Variants in SUMF1 observed in about 807,000 individuals in gnomAD.
The protein encoded by SUMF1 is formylglycine-generating enzyme.
A neutral mutation model predicts 47.6 loss-of-function variants in SUMF1; 48 were observed. That is an observed-to-expected ratio of 1.01 (90% CI 0.80 to 1.28). SUMF1 has a LOEUF of 1.28. SUMF1 is among the 50% of genes most tolerant of loss of function. The pLI is 0.00. For missense variants in SUMF1, 571 were observed against 485.4 expected, an observed-to-expected ratio of 1.18 and a Z score of -1.66; for synonymous variants, 230 against 192.1, an observed-to-expected ratio of 1.20 and a Z score of -1.63.
intron 8 of SUMF1, among the ~76,000 whole-genome samples, chr3:4,193,477 G>A (rs1000986399): frequency 1.3e-4 from 20 of 152,038 alleles, no homozygotes; most frequent in African/African-American, 4.6e-4. Context: ...ATTTGTGGCT[G>A]GCATTTTAAT....
chr3:4,206,598 A>G (rs2125157780), intron 8 of SUMF1, among the ~76,000 whole-genome samples: 1 of 152,178 alleles, frequency 6.6e-6, no homozygotes, highest in South Asian at 2.1e-4. Flanking sequence ...TGTTGGAGGC[A>G]ATTCAAAACT....
At chr3:4,305,909 A>G (rs1559212828) in intron 8 of SUMF1, among the ~76,000 whole-genome samples, 1 of 152,214 alleles carries the variant, frequency 6.6e-6, no homozygotes, top group Non-Finnish European at 1.5e-5. Flanking sequence ...AGCTGGCCCA[A>G]TATTAAACAG....
At chr3:4,186,553 A>C (rs1330889728) in intron 8 of SUMF1, among the ~76,000 whole-genome samples, 1 of 152,108 alleles carries the variant, frequency 6.6e-6, no homozygotes, top group African/African-American at 2.4e-5. Context: ...GAGTAAGTGG[A>C]AGCTGAAATA....
intron 8 of SUMF1, among the ~76,000 whole-genome samples, chr3:4,188,956 G>C (rs1695258889): frequency 6.6e-6 from 1 of 152,152 alleles, no homozygotes; most frequent in Non-Finnish European, 1.5e-5. Flanking sequence ...AGCTTTAACT[G>C]TATAAGATTC....
chr3:4,268,503 T>C (rs1344269458), intron 8 of SUMF1, among the ~76,000 whole-genome samples: 2 of 148,612 alleles, frequency 1.3e-5, no homozygotes, highest in Non-Finnish European at 3.0e-5. Context: ...GTTTTTCTTT[T>C]TTTTTTTTTT....
At chr3:4,331,444 GTAAGCCGTTT>G (rs200471961) in intron 8 of SUMF1, among the ~76,000 whole-genome samples, 1,657 of 152,224 alleles carry the variant, frequency 0.011, 20 homozygotes, top group African/African-American at 0.036. Context: ...AACCTTGGAG[GTAAGCCGTTT>G]TAATTATGTA....
intron 8 of SUMF1, among the ~76,000 whole-genome samples, chr3:4,161,171 A>G (rs2125113781): frequency 6.6e-6 from 1 of 151,934 alleles, no homozygotes; most frequent in East Asian, 1.9e-4. Flanking sequence ...ACTTTCTCCC[A>G]GACAAACGGA....
At chr3:4,162,356 C>G (rs562672400) in intron 8 of SUMF1, among the ~76,000 whole-genome samples, 1 of 152,306 alleles carries the variant, frequency 6.6e-6, no homozygotes, top group Admixed American at 6.5e-5. Flanking sequence ...TCCACTGGCT[C>G]TGAGCCCAGC....
chr3:4,214,929 C>T (rs1001229432), intron 8 of SUMF1, among the ~76,000 whole-genome samples: 8 of 151,966 alleles, frequency 5.3e-5, no homozygotes, highest in East Asian at 3.9e-4. Flanking sequence ...AAAAAAGTTC[C>T]GGGACCATAT....
At chr3:4,223,111 C>CT (rs1483677295) in intron 8 of SUMF1, among the ~76,000 whole-genome samples, 4 of 151,978 alleles carry the variant, frequency 2.6e-5, no homozygotes, top group Admixed American at 6.6e-5. Context: ...AAAGATATAC[C>CT]TTTTTAAAAA....
chr3:4,335,491 GA>G (rs1435911375), intron 8 of SUMF1, among the ~76,000 whole-genome samples: 14 of 152,192 alleles, frequency 9.2e-5, no homozygotes, highest in African/African-American at 2.9e-4. Flanking sequence ...ACGGAAGTGG[GA>G]AACTCATCTT....
chr3:4,216,037 C>A (rs887702633), intron 8 of SUMF1, among the ~76,000 whole-genome samples: 3 of 152,170 alleles, frequency 2.0e-5, no homozygotes, highest in African/African-American at 7.2e-5. Flanking sequence ...TTGGAAAAAA[C>A]TACCTTAAAC....
chr3:4,228,557 G>A (rs562940158), intron 8 of SUMF1, among the ~76,000 whole-genome samples: 29 of 152,196 alleles, frequency 1.9e-4, no homozygotes, highest in Non-Finnish European at 1.8e-4. Context: ...ACCTTTATGC[G>A]GCTCTGCTTC....
chr3:4,372,842 G>A (rs1700209039), intron 8 of SUMF1, among the ~76,000 whole-genome samples: 1 of 152,190 alleles, frequency 6.6e-6, no homozygotes, highest in Non-Finnish European at 1.5e-5. Flanking sequence ...TAAGCACTCT[G>A]AAAATAATTC....
chr3:4,102,778 TG>T (rs1170249959), intron 8 of SUMF1, among the ~76,000 whole-genome samples: 1 of 151,558 alleles, frequency 6.6e-6, no homozygotes, highest in African/African-American at 2.4e-5. Flanking sequence ...GATAAATTAA[TG>T]TAGCTTACTT....
chr3:4,231,494 C>G (rs1474781373), intron 8 of SUMF1, among the ~76,000 whole-genome samples: 1 of 152,166 alleles, frequency 6.6e-6, no homozygotes, highest in Non-Finnish European at 1.5e-5. Flanking sequence ...GTTACCCAAA[C>G]AAGTTAACAA....
intron 8 of SUMF1, among the ~76,000 whole-genome samples, chr3:4,216,827 C>T (rs1319641157): frequency 6.6e-6 from 1 of 152,206 alleles, no homozygotes; most frequent in South Asian, 2.1e-4. Context: ...TCATCTCATG[C>T]CAGTTAGAAT....
rs1695454202 is a variant in SUMF1 at position 4,197,481 on chromosome 3, G to C, written c.1015-128736C>G. ...GGTTTAGAGATGAGAGGGCATGACA[G>C]ACGGAAGAAATAGTCTAAGGAAAGG... On this transcript the variant is annotated intron_variant and NMD_transcript_variant, in intron 8 of 12. Coordinates refer to the SUMF1 transcript ENST00000448413. Among the ~76,000 whole-genome samples, 3 of 152,094 alleles carry C rather than the reference G, an allele frequency of 2.0e-5. No individual in the cohort carries two copies. In the South Asian group the frequency reaches 6.2e-4, roughly 32 times the overall value.
intron 4 of SUMF1, among the ~76,000 whole-genome samples, chr3:4,418,388 C>T (rs1397040099): frequency 6.6e-6 from 1 of 152,224 alleles, no homozygotes; most frequent in Non-Finnish European, 1.5e-5. Context: ...GGCTCGGATT[C>T]CCACAGAATG....
Sources: gnomAD v4.1 joint callset for allele counts (sites outside exome capture counted in the v4.1 genomes callset) on GRCh38, gnomAD v4.1.1 for gene constraint, MANE v1.5 for transcripts, NCBI Gene and HGNC (gene_info 2026-07-23, HGNC 2026-07-21) for gene names.